The following PCNT variants were observed in gnomAD, a reference collection of about 807,000 sequenced individuals.
PCNT encodes kendrin.
A neutral mutation model predicts 380.4 loss-of-function variants in PCNT; 319 were observed. The observed-to-expected ratio is 0.84, with a 90% CI of 0.77 to 0.92. The LOEUF is 0.92. Among genes scored for constraint, PCNT ranks in the 40% least tolerant of loss-of-function variants. The pLI, the probability that PCNT is intolerant of heterozygous loss-of-function variation, is 0.00. For synonymous variants in PCNT, 1,845 were observed against 1,735.2 expected, an observed-to-expected ratio of 1.06 and a Z score of -1.57; for missense variants, 4,400 against 4,255.3, an observed-to-expected ratio of 1.03 and a Z score of -0.95.
chr21:46,330,798 C>T (rs938608975), intron 2 of PCNT, among the ~76,000 whole-genome samples: 2 of 152,116 alleles, frequency 1.3e-5, no homozygotes, highest in African/African-American at 2.4e-5. Context: ...AGCTGGTGGC[C>T]GTGTGGCCGA....
chr21:46,326,465 C>G lies in PCNT; in HGVS notation c.143C>G (p.Ala48Gly), dbSNP rs370135350. The G allele has an allele frequency of 3.3e-5, 54 of 1,614,072 alleles. No individual in the cohort carries two copies. In the South Asian group the frequency reaches 4.8e-4, roughly 14 times the overall value. Residue 48 changes from alanine to glycine, a missense_variant, in exon 2 of 47, where the codon GCG becomes GGG. By Grantham distance (60) the Ala-to-Gly change is moderately conservative. Coordinates refer to ENST00000359568, the MANE Select transcript of PCNT (RefSeq NM_006031.6). ...TAKRKGSAVDASVQEESPVTK... is the reference protein window; with the variant it reads ...TAKRKGSAVDGSVQEESPVTK... ...AAGAGGAAGGGCTCGGCTGTCGATG[C>G]GTCTGTCCAGGAGGAGAGTCCGGTA...
intron 9 of PCNT, 123 bp from the exon 10 acceptor site, chr21:46,352,981 G>C: frequency 1.3e-6 from 1 of 774,336 alleles, no homozygotes; most frequent in African/African-American, 1.7e-5. Context: ...ATCCCTCTCC[G>C]GTTCTGGGAT....
intron 31 of PCNT, 122 bp downstream of exon 31, chr21:46,418,428 G>A (rs543784663): frequency 9.8e-5 from 70 of 712,272 alleles, no homozygotes; most frequent in Middle Eastern, 2.3e-4. Flanking sequence ...CCTCCACCCC[G>A]GCTCTGCGCT....
intron 16 of PCNT, among the ~76,000 whole-genome samples, chr21:46,382,974 G>A (rs1276861732): frequency 7.3e-6 from 1 of 136,092 alleles, no homozygotes; most frequent in Non-Finnish European, 1.5e-5. Flanking sequence ...TCACAGTGCT[G>A]TGCATTCAGT....
chr21:46,438,048 A>C (rs1028108122), intron 40 of PCNT, 116 bp from the exon 41 acceptor site: 1 of 862,132 alleles, frequency 1.2e-6, no homozygotes, highest in Non-Finnish European at 1.9e-6. Flanking sequence ...CAAGCTTCTC[A>C]TTGAACCCCA....
intron 27 of PCNT, among the ~76,000 whole-genome samples, chr21:46,409,680 A>G (rs1044899362): frequency 6.6e-6 from 1 of 152,128 alleles, no homozygotes; most frequent in African/African-American, 2.4e-5. Context: ...GCTTACCGCA[A>G]CCTCTGCCTC....
intron 44 of PCNT, chr21:46,443,240 G>C (rs1332502453): frequency 6.2e-6 from 1 of 162,314 alleles, no homozygotes; most frequent in Admixed American, 5.9e-5. Context: ...TTTTTTAAGA[G>C]ACGGGCTTGC....
At chr21:46,440,458 A>G (rs887125879) in intron 42 of PCNT, among the ~76,000 whole-genome samples, 1 of 152,262 alleles carries the variant, frequency 6.6e-6, no homozygotes, top group Non-Finnish European at 1.5e-5. Flanking sequence ...CGGCCTCTGC[A>G]GCCTGAGGGA....
intron 38 of PCNT, 82 bp from the exon 39 acceptor site, chr21:46,435,822 A>G (rs1176861403): frequency 1.9e-5 from 30 of 1,554,706 alleles, no homozygotes; most frequent in Non-Finnish European, 2.4e-5. Context: ...GATTACAGGC[A>G]TGAACCACCG....
At chr21:46,338,656 A>G (rs917861747) in intron 3 of PCNT, among the ~76,000 whole-genome samples, 28 of 145,840 alleles carry the variant, frequency 1.9e-4, no homozygotes, top group African/African-American at 7.2e-4. Context: ...CTTGTCGCCC[A>G]GGCTGGAGCG....
chr21:46,357,168 C>T lies in PCNT; in HGVS notation c.2131C>T (p.Arg711Cys), dbSNP rs370229951. Residue 711 changes from arginine (R) to cysteine (C), a missense_variant, in exon 13 of 47, where the codon CGT (arginine) becomes TGT (cysteine). Physicochemically the swap from Arg to Cys is radical, Grantham distance 180. Transcript: ENST00000359568. ...NLYGKLQHETRLKDDLEKVKH... is the reference protein window; with the variant it reads ...NLYGKLQHETCLKDDLEKVKH... ...GTATGGGAAGTTGCAGCATGAAACTCGTCTGAAGGACGATTTGGAGAAGGT... is the reference window on the plus strand; with the variant it reads ...GTATGGGAAGTTGCAGCATGAAACTTGTCTGAAGGACGATTTGGAGAAGGT... The T allele has an allele frequency of 9.3e-6, 15 of 1,612,402 alleles. No individual in the cohort carries two copies. The highest frequency in any genetic ancestry group is 4.5e-5 in the East Asian group (2 of 44,880).
chr21:46,357,120 C>A lies in PCNT; in HGVS notation c.2083C>A (p.Leu695Ile). The part of the protein sequence containing the change: ...QTELKEEIEL[L>I]KIENRNLYGK... ...TGAGCTCAAAGAAGAAATTGAACTC[C>A]TAAAAATAGAAAATAGAAATTTGTA... The change falls in exon 13 of 47, where the codon CTA (leucine) becomes ATA (isoleucine). Residue 695 changes from leucine to isoleucine, a missense_variant. Coordinates refer to ENST00000359568, the MANE Select transcript of PCNT (RefSeq NM_006031.6). 6.2e-7 allele frequency: 1 copy of A among 1,613,922 alleles called. No homozygotes were observed. Among genetic ancestry groups the A allele is most frequent in the Admixed American group, 1.7e-5 (1 of 60,026 alleles).
intron 2 of PCNT, among the ~76,000 whole-genome samples, chr21:46,329,811 C>T (rs1391340028): frequency 6.6e-6 from 1 of 152,218 alleles, no homozygotes; most frequent in East Asian, 1.9e-4. Context: ...ATTTTAAAAA[C>T]CAAAAGCTGG....
At chr21:46,337,883 G>T (rs1432392953) in intron 3 of PCNT, among the ~76,000 whole-genome samples, 2 of 149,182 alleles carry the variant, frequency 1.3e-5, no homozygotes, top group Non-Finnish European at 3.0e-5. Flanking sequence ...CGCGCAGACT[G>T]TTTTTTTTGA....
intron 21 of PCNT, among the ~76,000 whole-genome samples, chr21:46,392,748 A>G (rs1014190198): frequency 2.0e-5 from 3 of 152,160 alleles, no homozygotes; most frequent in Non-Finnish European, 4.4e-5. Flanking sequence ...AACTCTGCCT[A>G]TGACTGTGCC....
At position 46,422,105 on chromosome 21, in the gene PCNT, T is replaced by TG; in HGVS notation, c.7161dup (p.Arg2388AlafsTer14). 1 of 1,613,800 alleles carries TG rather than the reference T, an allele frequency of 6.2e-7. No homozygotes were observed. On this transcript the variant is annotated frameshift_variant, in exon 32 of 47. Transcript: ENST00000359568. LOFTEE classifies it high-confidence loss of function. Reference sequence around the variant, plus strand: ...CCGGAAGCCATGAAGGAGAAGGAAGTGCGTCCGAAGCACGTGAAGGTATGG... The same window carrying TG: ...CCGGAAGCCATGAAGGAGAAGGAAGTGGCGTCCGAAGCACGTGAAGGTATGG...
intron 15 of PCNT, among the ~76,000 whole-genome samples, chr21:46,370,999 C>T (rs914950886): frequency 6.6e-6 from 1 of 151,966 alleles, no homozygotes; most frequent in African/African-American, 2.4e-5. Context: ...CGCGCCATTG[C>T]CCTCCAGCCT....
chr21:46,426,866 C>G (rs1448201793), intron 33 of PCNT, among the ~76,000 whole-genome samples: 2 of 152,212 alleles, frequency 1.3e-5, no homozygotes, highest in African/African-American at 2.4e-5. Flanking sequence ...TGACTGGGAT[C>G]AAAGCTTTGT....
intron 15 of PCNT, among the ~76,000 whole-genome samples, chr21:46,373,234 C>G (rs751555897): frequency 5.3e-5 from 8 of 151,960 alleles, no homozygotes; most frequent in East Asian, 1.9e-4. Flanking sequence ...CCAGGCTGGT[C>G]TTAAATTCCT....
Sources: gnomAD v4.1 joint callset for allele counts (sites outside exome capture counted in the v4.1 genomes callset) on GRCh38, gnomAD v4.1.1 for gene constraint, MANE v1.5 for transcripts, NCBI Gene and HGNC (gene_info 2026-07-23, HGNC 2026-07-21) for gene names.